NDE1: variants seen among roughly 807,000 people sequenced by gnomAD.
The protein encoded by NDE1 is nuclear distribution protein nudE homolog 1.
A neutral mutation model predicts 43.4 loss-of-function variants in NDE1; 28 were observed. The ratio of observed to expected loss-of-function variants is 0.65; its 90% CI spans 0.48 to 0.89. NDE1 has a LOEUF of 0.89. NDE1 is among the 40% of genes least tolerant of loss of function. The pLI is 0.00. For synonymous variants in NDE1, 184 were observed against 172.0 expected (o/e 1.07, Z -0.55); for missense variants, 441 against 434.1 (o/e 1.02, Z -0.14).
chr16:15,665,857 A>G (rs970131647), intron 2 of NDE1, among the ~76,000 whole-genome samples: 8 of 151,366 alleles, frequency 5.3e-5, no homozygotes, highest in African/African-American at 1.2e-4. Context: ...CCTGGGTTCA[A>G]TCGATTCTCT....
chr16:15,726,071 A>G lies in NDE1; in HGVS notation c.*1820A>G, dbSNP rs777496064. 5 of 190,908 alleles carry G rather than the reference A, an allele frequency of 2.6e-5. No individual in the cohort carries two copies. The highest frequency in any genetic ancestry group is 4.3e-5 in the Non-Finnish European group (4 of 94,068). 11.8% of individuals were successfully genotyped at this position (190,908 alleles called of 1,614,324 possible). Reference sequence around the variant, plus strand: ...ACACGCTGTTCCCTCTGCCTGGTAGACTTATCCATGCTCCTTAGGGAAGCC... The same window carrying G: ...ACACGCTGTTCCCTCTGCCTGGTAGGCTTATCCATGCTCCTTAGGGAAGCC... On this transcript the variant is annotated 3_prime_UTR_variant, in exon 9 of 9. Coordinates refer to ENST00000396354, the MANE Select transcript of NDE1 (RefSeq NM_017668.3).
intron 5 of NDE1, among the ~76,000 whole-genome samples, chr16:15,690,351 T>TTA: frequency 9.3e-6 from 1 of 107,426 alleles, no homozygotes; most frequent in Non-Finnish European, 1.7e-5. Flanking sequence ...TTTTTTTTTT[T>TTA]TCTTTTTTTT....
intron 5 of NDE1, among the ~76,000 whole-genome samples, chr16:15,689,630 A>G (rs1412876408): frequency 6.6e-6 from 1 of 152,182 alleles, no homozygotes; most frequent in African/African-American, 2.4e-5. Flanking sequence ...ACATATGTAT[A>G]AAGTTTATGT....
intron 8 of NDE1, chr16:15,721,658 A>T (rs1317235821): frequency 6.2e-7 from 1 of 1,612,496 alleles, no homozygotes; most frequent in Admixed American, 1.7e-5. Flanking sequence ...CCCAGAGGTG[A>T]CTTCTAGGCA....
chr16:15,708,681 T>G, intron 8 of NDE1: 1 of 1,032,340 alleles, frequency 9.7e-7, no homozygotes, highest in Non-Finnish European at 1.5e-6. Context: ...GCCTCCAGAT[T>G]TTGCAAGAAT....
chr16:15,671,587 C>T (rs2037596056), intron 3 of NDE1, among the ~76,000 whole-genome samples: 1 of 152,118 alleles, frequency 6.6e-6, no homozygotes, highest in Non-Finnish European at 1.5e-5. Flanking sequence ...ACACGGAGAC[C>T]TTAGTGTCAT....
intron 8 of NDE1, among the ~76,000 whole-genome samples, chr16:15,723,145 A>G (rs2040572142): frequency 6.6e-6 from 1 of 152,218 alleles, no homozygotes; most frequent in Admixed American, 6.5e-5. Flanking sequence ...GGTTTGGGTC[A>G]TACAGGGGTC....
chr16:15,704,083 C>T, intron 8 of NDE1: 2 of 1,614,154 alleles, frequency 1.2e-6, no homozygotes, highest in Non-Finnish European at 1.7e-6. Flanking sequence ...CTACGTCCTC[C>T]AGACCTTCTA....
At chr16:15,697,178 G>T (rs2039055329) in intron 8 of NDE1, 1 of 525,874 alleles carries the variant, frequency 1.9e-6, no homozygotes, top group South Asian at 8.3e-5. Context: ...GAGTAGCTGG[G>T]AGTACAGGTG....
upstream of NDE1, chr16:15,650,236 C>T (rs1284501471): frequency 3.6e-6 from 1 of 274,806 alleles, no homozygotes; most frequent in Non-Finnish European, 7.4e-6. Flanking sequence ...CGGGGCCGCA[C>T]CGCCCTTCGC....
Position 15,717,921 on chromosome 16 carries a change from C to T in NDE1, c.948-6270C>T, listed in dbSNP as rs2040251158. Reference sequence around the variant, plus strand: ...GTTCACCCTACACCACAAGGGGCTGCAGGTTACTGGATGGTCCCTAGTGCC... The same window carrying T: ...GTTCACCCTACACCACAAGGGGCTGTAGGTTACTGGATGGTCCCTAGTGCC... On this transcript the variant is annotated intron_variant, in intron 8 of 8. Transcript: ENST00000396354. 4 of 328,270 alleles carry T rather than the reference C, an allele frequency of 1.2e-5. No homozygotes were observed. In the South Asian group the frequency reaches 1.2e-4, roughly 10 times the overall value. The allele number at this position is 328,270 out of a possible 1,614,324, so 20.3% of individuals were successfully genotyped here. A position where few individuals can be genotyped will look rare whatever the true frequency, so the allele number is the denominator to read the frequency against.
At chr16:15,709,595 G>A (rs182155669) in intron 8 of NDE1, among the ~76,000 whole-genome samples, 13 of 152,312 alleles carry the variant, frequency 8.5e-5, no homozygotes, top group Admixed American at 7.2e-4. Context: ...GATTACAGGT[G>A]TGAGCCACTG....
Position 15,696,691 on chromosome 16 carries a change from A to G in NDE1, c.796-18A>G. 1 of 1,614,106 alleles carries G rather than the reference A, an allele frequency of 6.2e-7. No individual in the cohort carries two copies. Among genetic ancestry groups the G allele is most frequent in the South Asian group, 1.1e-5 (1 of 91,076 alleles). On this transcript the variant is annotated intron_variant, in intron 7 of 8. Coordinates refer to ENST00000396354, the MANE Select transcript of NDE1 (RefSeq NM_017668.3). ...TCCTTGCCTATAACTTGAGAGATAAAAGTGTATTTCTGTCCAGGCACTGGA... is the reference window on the plus strand; with the variant it reads ...TCCTTGCCTATAACTTGAGAGATAAGAGTGTATTTCTGTCCAGGCACTGGA...
At chr16:15,716,100 CA>C (rs1445113787) in intron 8 of NDE1, among the ~76,000 whole-genome samples, 2 of 151,688 alleles carry the variant, frequency 1.3e-5, no homozygotes, top group Non-Finnish European at 2.9e-5. Context: ...GACTATGTCT[CA>C]AAAAAATAAA....
rs114250839 is a variant in NDE1 at position 15,672,116 on chromosome 16, T to G, written c.237+4677T>G. 5.1e-3 allele frequency among the ~76,000 whole-genome samples: 776 copies of G among 152,066 alleles called. 7 individuals carry two copies. Among genetic ancestry groups the G allele is most frequent in the African/African-American group, 0.018 (728 of 41,488 alleles). ...GATCCTGAGTAAAATATCAAGAGAATTACTCAGTAATTCTCTGCTTCAAGA... is the reference window on the plus strand; with the variant it reads ...GATCCTGAGTAAAATATCAAGAGAAGTACTCAGTAATTCTCTGCTTCAAGA... On this transcript the variant is annotated intron_variant, in intron 3 of 8. Transcript: ENST00000396354.
rs775908168 is a variant in NDE1 at position 15,720,882 on chromosome 16, C to T, written c.948-3309C>T. On this transcript the variant is annotated intron_variant, in intron 8 of 8. Coordinates refer to ENST00000396354, the MANE Select transcript of NDE1 (RefSeq NM_017668.3). ...CCTCTTCTCCTCATTCTGCTCGTCC[C>T]GGGCTTGGAGATCCCTTTCGAACTG... 20 of 1,613,884 alleles carry T rather than the reference C, an allele frequency of 1.2e-5. No homozygotes were observed. Among genetic ancestry groups the T allele is most frequent in the East Asian group, 6.7e-5 (3 of 44,862 alleles).
At chr16:15,693,715 A>C (rs1188544273) in intron 6 of NDE1, among the ~76,000 whole-genome samples, 3 of 152,074 alleles carry the variant, frequency 2.0e-5, no homozygotes, top group African/African-American at 7.2e-5. Context: ...CAAGGCGGGC[A>C]GATCATTTGA....
At chr16:15,672,264 C>G (rs2037634898) in intron 3 of NDE1, among the ~76,000 whole-genome samples, 1 of 152,006 alleles carries the variant, frequency 6.6e-6, no homozygotes, top group South Asian at 2.1e-4. Context: ...GAAACCCCGT[C>G]TCTACTAAAA....
Position 15,707,918 on chromosome 16 carries a change from G to A in NDE1, c.947+11058G>A, listed in dbSNP as rs1400428010. 2.1e-5 allele frequency among the ~76,000 whole-genome samples: 3 copies of A among 145,538 alleles called. No individual in the cohort carries two copies. The South Asian group carries it at 6.4e-4, about 31-fold the overall frequency. ...ACCCAGGAGGCAAAGGTTGCGGTGA[G>A]CCAAGATTGCGCCATTGCACTCCAG... On this transcript the variant is annotated intron_variant, in intron 8 of 8. Coordinates refer to ENST00000396354, the MANE Select transcript of NDE1 (RefSeq NM_017668.3).
Sources: allele counts gnomAD v4.1 joint callset (sites outside exome capture counted in the v4.1 genomes callset), GRCh38; gene constraint gnomAD v4.1.1; transcripts MANE v1.5; gene names NCBI Gene and HGNC (gene_info 2026-07-23, HGNC 2026-07-21).